Variants in DEPDC4 observed in about 807,000 individuals in gnomAD.
The protein encoded by DEPDC4 is DEP domain containing 4.
Under a neutral mutation model 52.0 loss-of-function variants are expected in DEPDC4, and 52 were observed. That is an observed-to-expected ratio of 1.00 (90% confidence interval 0.80 to 1.26). The LOEUF (loss-of-function observed/expected upper bound fraction) is 1.26, where lower values mean the gene tolerates loss of function less well. Ranked by LOEUF, DEPDC4 falls within the 50% of genes most tolerant of loss-of-function variation. The probability of loss-of-function intolerance (pLI) is 0.00; values close to 1 mark genes in which losing one functional copy is unlikely to be tolerated. For missense variants in DEPDC4, 530 were observed against 546.9 expected, an observed-to-expected ratio of 0.97 and a Z score of 0.31; for synonymous variants, 201 against 196.8, an observed-to-expected ratio of 1.02 and a Z score of -0.18.
chr12:100,259,092 ATATCCCATG>A (rs2096244999), intron 3 of DEPDC4, among the ~76,000 whole-genome samples: 1 of 151,510 alleles, frequency 6.6e-6, no homozygotes, highest in African/African-American at 2.4e-5. Flanking sequence ...ATATATATAT[ATATCCCATG>A]TACCCTTTGT....
At chr12:100,281,085 G>A in the DEPDC4 span, among the ~76,000 whole-genome samples, 3 of 131,560 alleles carry the variant, frequency 2.3e-5, no homozygotes, top group Non-Finnish European at 4.6e-5. Context: ...CGGGAGTGCA[G>A]TGGTGCTTTC....
chr12:100,239,017 A>G (rs1452603940), downstream of DEPDC4, among the ~76,000 whole-genome samples: 1 of 152,226 alleles, frequency 6.6e-6, no homozygotes, highest in East Asian at 1.9e-4. Context: ...CTACAGTTTC[A>G]GAAAGTGTAT....
In DEPDC4 at chr12:100,240,315, T is replaced by G. The variant is rs2096153389; in HGVS notation, c.*1577A>C. On this transcript the variant is annotated 3_prime_UTR_variant, in exon 10 of 10. Transcript: ENST00000550587. ...GACTATAGGTGTGGGCTGCCACACCTGGCTAAATTTTTTTTTTGTAGTTTT... is the reference window on the plus strand; with the variant it reads ...GACTATAGGTGTGGGCTGCCACACCGGGCTAAATTTTTTTTTTGTAGTTTT... 6.6e-6 allele frequency among the ~76,000 whole-genome samples: 1 copy of G among 152,070 alleles called. No homozygotes were observed. Among genetic ancestry groups the G allele is most frequent in the Non-Finnish European group, 1.5e-5 (1 of 68,000 alleles).
At chr12:100,248,769 A>C (rs2096196116) in intron 8 of DEPDC4, 131 bp downstream of exon 8, 1 of 226,440 alleles carries the variant, frequency 4.4e-6, no homozygotes, top group Admixed American at 6.5e-5. Flanking sequence ...ATACTAAAAA[A>C]TAACCTTCCT....
chr12:100,253,433 T>C (rs1401677689), intron 5 of DEPDC4, 56 bp downstream of exon 5: 2 of 725,668 alleles, frequency 2.8e-6, no homozygotes, highest in African/African-American at 1.9e-5. Context: ...TTTCAACTTG[T>C]ATATTTTAAA....
chr12:100,257,988 GATAGATAGATAGAT>G (rs2096241054), intron 3 of DEPDC4, among the ~76,000 whole-genome samples: 1 of 89,384 alleles, frequency 1.1e-5, no homozygotes, highest in Non-Finnish European at 2.6e-5. Context: ...TAGATAGATA[GATAGATAGATAGAT>G]AGATAGATAG....
At chr12:100,264,794 G>T (rs1006590820) in intron 1 of DEPDC4, among the ~76,000 whole-genome samples, 1 of 152,090 alleles carries the variant, frequency 6.6e-6, no homozygotes, top group Admixed American at 6.6e-5. Flanking sequence ...ACATTGTAGA[G>T]ATATTGGGCT....
At chr12:100,275,437 C>T in the DEPDC4 span, among the ~76,000 whole-genome samples, 8 of 152,254 alleles carry the variant, frequency 5.3e-5, no homozygotes, top group East Asian at 1.4e-3. Flanking sequence ...CTCAAGCAAT[C>T]CTTCCACTTC....
chr12:100,261,534 G>T (rs2096253638), intron 3 of DEPDC4, among the ~76,000 whole-genome samples: 1 of 152,158 alleles, frequency 6.6e-6, no homozygotes, highest in South Asian at 2.1e-4. Context: ...GGAAAGAGTA[G>T]GAAGATGTTT....
At chr12:100,242,827 T>A (rs2096165653) in intron 8 of DEPDC4, among the ~76,000 whole-genome samples, 1 of 152,174 alleles carries the variant, frequency 6.6e-6, no homozygotes, top group Non-Finnish European at 1.5e-5. Flanking sequence ...TCAATATGTG[T>A]CCTTAATTCT....
intron 8 of DEPDC4, among the ~76,000 whole-genome samples, chr12:100,244,117 A>ATATATATATATG (rs1443617054): frequency 1.7e-5 from 2 of 117,806 alleles, no homozygotes; most frequent in East Asian, 4.8e-4. Flanking sequence ...ATATATATAT[A>ATATATATATATG]TATATATATA....
At chr12:100,245,224 C>T (rs567575098) in intron 8 of DEPDC4, among the ~76,000 whole-genome samples, 3 of 152,222 alleles carry the variant, frequency 2.0e-5, no homozygotes, top group South Asian at 2.1e-4. Context: ...CCCCTAAATA[C>T]GGTGGTAGTC....
chr12:100,262,588 A>C (rs2096257569), intron 2 of DEPDC4, among the ~76,000 whole-genome samples, 179 bp from the exon 3 acceptor site: 1 of 152,198 alleles, frequency 6.6e-6, no homozygotes, highest in Admixed American at 6.5e-5. Context: ...AAAGAGGACA[A>C]ATTAGAATTC....
chr12:100,235,587 T>C (rs1053699601), downstream of DEPDC4, among the ~76,000 whole-genome samples: 36 of 148,782 alleles, frequency 2.4e-4, no homozygotes, highest in Non-Finnish European at 3.7e-4. Context: ...TTTTTTTTTT[T>C]CCCCCAAGAT....
chr12:100,238,464 T>G (rs1477092790), downstream of DEPDC4, among the ~76,000 whole-genome samples: 1 of 148,824 alleles, frequency 6.7e-6, no homozygotes, highest in African/African-American at 2.5e-5. Context: ...CCAGCCTTTC[T>G]TTTTTTTTAA....
At chr12:100,267,346 G>C (rs796265249), upstream of DEPDC4, 7 of 346,698 alleles carry the variant, frequency 2.0e-5, no homozygotes, top group East Asian at 9.8e-5. Context: ...CGTTTATTAG[G>C]GGGGCGGGGG....
chr12:100,242,799 A>G (rs1398962971), intron 8 of DEPDC4, among the ~76,000 whole-genome samples: 1 of 152,194 alleles, frequency 6.6e-6, no homozygotes, highest in African/African-American at 2.4e-5. Flanking sequence ...ATATCTGAAC[A>G]CTTGAGCCAC....
intron 1 of DEPDC4, among the ~76,000 whole-genome samples, chr12:100,264,388 G>A (rs1184009920): frequency 1.3e-5 from 2 of 152,080 alleles, no homozygotes; most frequent in African/African-American, 4.8e-5. Context: ...TGTTTAAAAA[G>A]TTTGCTAAGG....
intron 8 of DEPDC4, among the ~76,000 whole-genome samples, chr12:100,243,163 T>C (rs567280920): frequency 1.6e-4 from 24 of 152,296 alleles, no homozygotes; most frequent in African/African-American, 5.3e-4. Flanking sequence ...GGTCTCTCTT[T>C]CTTAAAATAT....
Sources: gnomAD v4.1 joint callset for allele counts (sites outside exome capture counted in the v4.1 genomes callset) on GRCh38, gnomAD v4.1.1 for gene constraint, MANE v1.5 for transcripts, NCBI Gene and HGNC (gene_info 2026-07-23, HGNC 2026-07-21) for gene names.